PMFBP1: variants seen among roughly 807,000 people sequenced by gnomAD.
The protein encoded by PMFBP1 is polyamine-modulated factor 1-binding protein 1.
Under a neutral mutation model 137.8 loss-of-function variants are expected in PMFBP1, and 131 were observed. The ratio of observed to expected loss-of-function variants is 0.95; its 90% CI spans 0.82 to 1.10. The LOEUF (loss-of-function observed/expected upper bound fraction) is 1.10. PMFBP1 is among the 50% of genes least tolerant of loss of function. The pLI, the probability that PMFBP1 is intolerant of heterozygous loss-of-function variation, is 0.00. For synonymous variants in PMFBP1, 490 were observed against 450.4 expected, an observed-to-expected ratio of 1.09 and a Z score of -1.11; for missense variants, 1,199 against 1,175.4, an observed-to-expected ratio of 1.02 and a Z score of -0.29.
chr16:72,190,649 G>A, the PMFBP1 span, among the ~76,000 whole-genome samples: 7 of 152,140 alleles, frequency 4.6e-5, no homozygotes, highest in African/African-American at 1.2e-4. Flanking sequence ...AGAGGCAGGC[G>A]GGAGAACAGA....
At chr16:72,188,810 C>A in the PMFBP1 span, among the ~76,000 whole-genome samples, 1 of 152,026 alleles carries the variant, frequency 6.6e-6, no homozygotes, top group African/African-American at 2.4e-5. Flanking sequence ...TGCCCATACT[C>A]CCTAATTTGC....
the PMFBP1 span, among the ~76,000 whole-genome samples, chr16:72,239,036 G>A: frequency 6.6e-5 from 10 of 152,096 alleles, no homozygotes; most frequent in African/African-American, 2.2e-4. Flanking sequence ...ACAGGAAAAG[G>A]GATTTTGCAA....
At chr16:72,166,369 C>T (rs772897344) in intron 2 of PMFBP1, among the ~76,000 whole-genome samples, 18 of 152,136 alleles carry the variant, frequency 1.2e-4, no homozygotes, top group Non-Finnish European at 2.1e-4. Context: ...CTTTGCCTTC[C>T]GCTATGATTG....
In PMFBP1 at chr16:72,154,442, C is replaced by A. The variant is rs747569221; in HGVS notation, c.183G>T (p.Gln61His). ...MNSSHDKKQA[Q>H]ALAFEESEVE... is the part of the protein sequence containing the mutation. ...CCTCTGACTCCTCGAATGCTAATGC[C>A]TGTGCTTGCTTCTTGTCCTACCATA... The change falls in exon 4 of 21, where the codon CAG becomes CAT. Residue 61 changes from glutamine to histidine, a missense_variant. Transcript: ENST00000237353. 1 of 1,613,978 alleles carries A rather than the reference C, an allele frequency of 6.2e-7. No individual in the cohort carries two copies. The highest frequency in any genetic ancestry group is 8.5e-7 in the Non-Finnish European group (1 of 1,179,878).
the PMFBP1 span, among the ~76,000 whole-genome samples, chr16:72,235,076 G>C: frequency 6.6e-6 from 1 of 151,990 alleles, no homozygotes; most frequent in Non-Finnish European, 1.5e-5. Context: ...TTCTTTTGTT[G>C]CTCATGCTTT....
chr16:72,130,341 G>A lies in PMFBP1; in HGVS notation c.1654C>T (p.Leu552=), dbSNP rs144092086. The A allele has an allele frequency of 8.1e-6, 13 of 1,614,196 alleles. No individual in the cohort carries two copies. Among genetic ancestry groups the A allele is most frequent in the African/African-American group, 1.3e-5 (1 of 75,050 alleles). ...AGGGCTTCAGAGAGTTCTAATGACA[G>A]CTCCTCCACCCGTTTTCTAAAGCAA... ...QTSNRKRVEE[L]SLELSEALRK... is the part of the protein sequence containing the mutation. The change falls in exon 12 of 21, where the codon CTG becomes TTG. Residue 552 remains leucine, a synonymous_variant. Transcript: ENST00000237353.
At chr16:72,143,767 G>A (rs1438481645) in intron 5 of PMFBP1, among the ~76,000 whole-genome samples, 1 of 151,850 alleles carries the variant, frequency 6.6e-6, no homozygotes, top group Non-Finnish European at 1.5e-5. Flanking sequence ...TTGGCCGGGT[G>A]TGGTGGCTCA....
At chr16:72,202,653 T>A in the PMFBP1 span, among the ~76,000 whole-genome samples, 1 of 152,218 alleles carries the variant, frequency 6.6e-6, no homozygotes, top group African/African-American at 2.4e-5. Flanking sequence ...TAGGAGGCTG[T>A]CACTTCCCCA....
intron 11 of PMFBP1, 32 bp downstream of exon 11, chr16:72,130,501 C>A (rs1227476169): frequency 4.3e-6 from 7 of 1,612,530 alleles, no homozygotes; most frequent in Admixed American, 1.7e-5. Context: ...GTGACAGAAC[C>A]TCTCTCTGGA....
In PMFBP1 at chr16:72,130,254, C is replaced by T. The variant is rs1436653279; in HGVS notation, c.1741G>A (p.Asp581Asn). The change falls in exon 12 of 21, where the codon GAT becomes AAT. Residue 581 changes from aspartate (D) to asparagine (N), a missense_variant. Physicochemically the swap from Asp to Asn is conservative, Grantham distance 23. Transcript: ENST00000237353. ...RQLQKTVAEQ[D>N]MKMNDMLDRI... ...TCAAGCATGTCATTCATTTTCATATCCTGCTCAGCCACTGTCTTCTGAAGC... is the reference window on the plus strand; with the variant it reads ...TCAAGCATGTCATTCATTTTCATATTCTGCTCAGCCACTGTCTTCTGAAGC... 6.2e-7 allele frequency: 1 copy of T among 1,614,122 alleles called. No individual in the cohort carries two copies. The highest frequency in any genetic ancestry group is 1.7e-5 in the Admixed American group (1 of 60,024).
the PMFBP1 span, among the ~76,000 whole-genome samples, chr16:72,191,952 T>C: frequency 6.6e-6 from 1 of 152,184 alleles, no homozygotes; most frequent in Non-Finnish European, 1.5e-5. Flanking sequence ...AGCTAATACA[T>C]TCAGATGCTT....
chr16:72,126,407 A>G (rs981724093), intron 14 of PMFBP1, among the ~76,000 whole-genome samples: 1 of 152,360 alleles, frequency 6.6e-6, no homozygotes, highest in Non-Finnish European at 1.5e-5. Context: ...TGCCAAGTAC[A>G]CAAAAAAGTC....
intron 3 of PMFBP1, among the ~76,000 whole-genome samples, chr16:72,161,736 T>G (rs1406258516): frequency 2.0e-5 from 3 of 152,198 alleles, no homozygotes; most frequent in Non-Finnish European, 4.4e-5. Flanking sequence ...TATACTTTAT[T>G]GGATTTCACC....
intron 19 of PMFBP1, among the ~76,000 whole-genome samples, chr16:72,120,322 C>T (rs1159145832): frequency 1.3e-5 from 2 of 152,186 alleles, no homozygotes; most frequent in Non-Finnish European, 1.5e-5. Context: ...CCCAACTCTG[C>T]CAGCTCTGGG....
At chr16:72,206,442 A>G in the PMFBP1 span, among the ~76,000 whole-genome samples, 1 of 152,220 alleles carries the variant, frequency 6.6e-6, no homozygotes. Context: ...CTCCACAGAT[A>G]AGTCACTCCT....
rs761395383 is a variant in PMFBP1, at chr16:72,150,821, G to A, written c.423C>T (p.Leu141=). 1.3e-5 allele frequency: 21 copies of A among 1,613,126 alleles called. No homozygotes were observed. The highest frequency in any genetic ancestry group is 3.3e-4 in the Middle Eastern group (2 of 6,084). The change falls in exon 5 of 21, where the codon CTC becomes CTT. Residue 141 remains leucine, a synonymous_variant. Transcript: ENST00000237353. The part of the protein sequence containing the change: ...HCKLKEDEVI[L]YEEEMGNHNE... ...TGTGATTTCCCATTTCCTCCTCATA[G>A]AGAATCACCTGTAGGTGTAGGAATA...
At position 72,140,508 on chromosome 16, in the gene PMFBP1, C is replaced by A; in HGVS notation, c.711G>T (p.Glu237Asp). The change falls in exon 6 of 21, where the codon GAG becomes GAT. Residue 237 changes from glutamate (E) to aspartate (D), a missense_variant. Coordinates refer to ENST00000237353, the MANE Select transcript of PMFBP1 (RefSeq NM_031293.3). ...TSPCMIQEHQ[E>D]TQKRLSEVWQ... Reference sequence around the variant, plus strand: ...AGACTTCAGACAGTCGTTTCTGAGTCTCCTGATGCTCTTGAATCATGCAAG... The same window carrying A: ...AGACTTCAGACAGTCGTTTCTGAGTATCCTGATGCTCTTGAATCATGCAAG... 1 of 1,613,298 alleles carries A rather than the reference C, an allele frequency of 6.2e-7. No homozygotes were observed. The highest frequency in any genetic ancestry group is 8.5e-7 in the Non-Finnish European group (1 of 1,179,254).
the PMFBP1 span, among the ~76,000 whole-genome samples, chr16:72,227,281 T>G: frequency 2.0e-5 from 3 of 152,344 alleles, no homozygotes; most frequent in South Asian, 6.2e-4. Context: ...TTCTGAAAGA[T>G]GTGTTAAAGA....
chr16:72,239,606 C>T, the PMFBP1 span, among the ~76,000 whole-genome samples: 1 of 151,930 alleles, frequency 6.6e-6, no homozygotes. Flanking sequence ...CAAGAATGTT[C>T]CTGTTGGCTG....
Sources: gnomAD v4.1 joint callset for allele counts (sites outside exome capture counted in the v4.1 genomes callset) on GRCh38, gnomAD v4.1.1 for gene constraint, MANE v1.5 for transcripts, NCBI Gene and HGNC (gene_info 2026-07-23, HGNC 2026-07-21) for gene names.